The following PLCD4 variants were observed in gnomAD, a reference collection of about 807,000 sequenced individuals.
PLCD4 encodes the protein phospholipase C delta 4, also known as 1-phosphatidylinositol 4,5-bisphosphate phosphodiesterase delta-4.
A neutral mutation model predicts 90.2 loss-of-function variants in PLCD4; 63 were observed. That is an observed-to-expected ratio of 0.70 (90% CI 0.57 to 0.86). The LOEUF is 0.86. Ranked by LOEUF, PLCD4 falls within the 40% of genes least tolerant of loss-of-function variation. PLCD4 has a pLI of 0.00. For synonymous variants in PLCD4, 294 were observed against 356.5 expected (o/e 0.82, Z 1.97); for missense variants, 830 against 956.3 (o/e 0.87, Z 1.74).
chr2:218,630,433 C>CAAGATGTGAATATGTCTT (rs1349072632), intron 8 of PLCD4, among the ~76,000 whole-genome samples: 10 of 152,168 alleles, frequency 6.6e-5, no homozygotes, highest in Non-Finnish European at 1.2e-4. Flanking sequence ...TTTAGGATCC[C>CAAGATGTGAATATGTCTT]AAGATGTGAA....
At chr2:218,610,439 C>A (rs1027467965) in intron 1 of PLCD4, among the ~76,000 whole-genome samples, 5 of 151,800 alleles carry the variant, frequency 3.3e-5, no homozygotes, top group African/African-American at 1.2e-4. Context: ...ACCCAGGAGG[C>A]GGAGGTTGCA....
At chr2:218,610,008 A>G (rs1695259996) in intron 1 of PLCD4, 1 of 152,622 alleles carries the variant, frequency 6.6e-6, no homozygotes, top group Non-Finnish European at 1.5e-5. Context: ...GGGGCTGGGC[A>G]TGATGGCTCA....
chr2:218,630,639 C>G lies in PLCD4; in HGVS notation c.1120-11C>G. 1 of 1,613,992 alleles carries G rather than the reference C, an allele frequency of 6.2e-7. No individual in the cohort carries two copies. The highest frequency in any genetic ancestry group is 8.5e-7 in the Non-Finnish European group (1 of 1,179,880). ...AACTCTGAATCCATTGTTCCCTCCC[C>G]TCACCACCAGACATCAGACTACCCA... On this transcript the variant is annotated splice_polypyrimidine_tract_variant and intron_variant, in intron 8 of 15. Coordinates refer to ENST00000450993, the MANE Select transcript of PLCD4 (RefSeq NM_032726.4).
chr2:218,637,110 C>T lies in PLCD4; in HGVS notation c.*533C>T. ...CGACTCTTAAGAGAACACTGCACAG[C>T]ACTCAAAGTCCCCCACTGGACTGCT... is the stretch of plus-strand genomic sequence containing the variant. On this transcript the variant is annotated 3_prime_UTR_variant, in exon 16 of 16. Transcript: ENST00000450993. The T allele has an allele frequency of 5.9e-6, 2 of 338,102 alleles. No homozygotes were observed. The highest frequency in any genetic ancestry group is 1.2e-5 in the Non-Finnish European group (2 of 171,842). 20.9% of individuals were successfully genotyped at this position (338,102 alleles called of 1,614,324 possible).
chr2:218,620,450 G>A (rs1473135053), intron 4 of PLCD4, among the ~76,000 whole-genome samples: 8 of 151,950 alleles, frequency 5.3e-5, no homozygotes, highest in Non-Finnish European at 1.2e-4. Flanking sequence ...GCAGGGAGCC[G>A]AGATGGTGCC....
chr2:218,633,949 G>A (rs1475021307), intron 11 of PLCD4, 156 bp from the exon 12 acceptor site: 1 of 1,229,874 alleles, frequency 8.1e-7, no homozygotes, highest in Non-Finnish European at 1.1e-6. Context: ...GGGCAGGAAA[G>A]CTGGTCTGGA....
intron 4 of PLCD4, chr2:218,619,013 G>A: frequency 1.7e-6 from 1 of 582,962 alleles, no homozygotes; most frequent in Non-Finnish European, 3.0e-6. Context: ...TAGCCAGGCA[G>A]GAATCAGGAC....
chr2:218,614,410 C>CA (rs1318627956), intron 1 of PLCD4, among the ~76,000 whole-genome samples: 3 of 151,946 alleles, frequency 2.0e-5, no homozygotes, highest in Non-Finnish European at 4.4e-5. Context: ...CTCGGCCTCC[C>CA]AAAGTGCTGG....
intron 5 of PLCD4, 78 bp from the exon 6 acceptor site, chr2:218,622,567 TAA>T: frequency 9.7e-7 from 1 of 1,033,434 alleles, no homozygotes; most frequent in Non-Finnish European, 1.4e-6. Flanking sequence ...CAGAAAAATT[TAA>T]AAAAAAATTT....
At chr2:218,623,389 T>G (rs1438678126) in intron 6 of PLCD4, among the ~76,000 whole-genome samples, 2 of 152,222 alleles carry the variant, frequency 1.3e-5, no homozygotes, top group Admixed American at 1.3e-4. Flanking sequence ...AGTTAGCCCC[T>G]GGCTGGGGGA....
At position 218,634,376 on chromosome 2, in the gene PLCD4, A is replaced by T. The variant is rs1053811496; in HGVS notation, c.1724-82A>T. On this transcript the variant is annotated intron_variant, in intron 12 of 15. Transcript: ENST00000450993. The surrounding 1 kb of genome is among the most constrained non-coding windows in gnomAD (Gnocchi z 4.0). ...TACCAGCAGGTACCGTGCACCCAGTACCTATCTTCTTAACTCCCTGAAAGA... is the reference window on the plus strand; with the variant it reads ...TACCAGCAGGTACCGTGCACCCAGTTCCTATCTTCTTAACTCCCTGAAAGA... 3 of 1,574,160 alleles carry T rather than the reference A, an allele frequency of 1.9e-6. No individual in the cohort carries two copies. The African/African-American group carries it at 4.1e-5, about 21-fold the overall frequency.
At chr2:218,622,300 A>C in intron 5 of PLCD4, 1 of 164,054 alleles carries the variant, frequency 6.1e-6, no homozygotes, top group Non-Finnish European at 1.3e-5. Context: ...TCTAGTTGAA[A>C]ATTTTCTCTA....
chr2:218,634,004 C>G lies in PLCD4; in HGVS notation c.1607-101C>G. 1.4e-6 allele frequency: 2 copies of G among 1,469,658 alleles called. No homozygotes were observed. Among genetic ancestry groups the G allele is most frequent in the Non-Finnish European group, 1.8e-6 (2 of 1,088,006 alleles). 91.0% of individuals were successfully genotyped at this position (1,469,658 alleles called of 1,614,324 possible). A position where few individuals can be genotyped will look rare whatever the true frequency, so the allele number is the denominator to read the frequency against. Reference sequence around the variant, plus strand: ...CAGTGAAACTTTCTGGAGCCAGCTTCAGATGCTGGAGAGAAGGGTGAAGAG... The same window carrying G: ...CAGTGAAACTTTCTGGAGCCAGCTTGAGATGCTGGAGAGAAGGGTGAAGAG... On this transcript the variant is annotated intron_variant, in intron 11 of 15. Transcript: ENST00000450993. The surrounding 1 kb of genome is among the most constrained non-coding windows in gnomAD (Gnocchi z 4.0).
chr2:218,609,140 CAA>C (rs537369669), intron 1 of PLCD4: 51 of 84,068 alleles, frequency 6.1e-4, no homozygotes, highest in Admixed American at 8.4e-4. Context: ...GACTCTGTCT[CAA>C]AAAAAAAAAA....
At chr2:218,617,849 G>A (rs1695688015) in intron 3 of PLCD4, among the ~76,000 whole-genome samples, 1 of 152,146 alleles carries the variant, frequency 6.6e-6, no homozygotes, top group Non-Finnish European at 1.5e-5. Context: ...CACTTTGGGA[G>A]GCCTAGGCGG....
At chr2:218,624,320 A>G (rs1396966549) in intron 6 of PLCD4, among the ~76,000 whole-genome samples, 2 of 152,206 alleles carry the variant, frequency 1.3e-5, no homozygotes, top group African/African-American at 4.8e-5. Context: ...TAGGCACCAG[A>G]CATACATTAG....
At chr2:218,612,402 C>T (rs1321979875) in intron 1 of PLCD4, among the ~76,000 whole-genome samples, 3 of 152,214 alleles carry the variant, frequency 2.0e-5, no homozygotes, top group Admixed American at 2.0e-4. Flanking sequence ...ATCTTTTCTT[C>T]CTGAAATTGT....
chr2:218,634,650 T>C lies in PLCD4; in HGVS notation c.1896+20T>C. On this transcript the variant is annotated intron_variant, in intron 13 of 15. Transcript: ENST00000450993. This position sits in a 1 kb window ranked among gnomAD's most constrained non-coding sequence, Gnocchi z 4.0. ...ATCCAGGTACAGTGGAAATAAACTG[T>C]TGGGAAGAAACTGAGATAACTGGGA... is the stretch of plus-strand genomic sequence containing the variant. 6.2e-7 allele frequency: 1 copy of C among 1,610,034 alleles called. No individual in the cohort carries two copies.
chr2:218,633,870 G>A (rs1168850021), intron 11 of PLCD4, 109 bp downstream of exon 11: 1 of 1,387,442 alleles, frequency 7.2e-7, no homozygotes, highest in South Asian at 1.2e-5. Context: ...AAGGAGAGAT[G>A]AAGGAGTTCA....
Sources: allele counts gnomAD v4.1 joint callset (sites outside exome capture counted in the v4.1 genomes callset), GRCh38; gene constraint gnomAD v4.1.1; non-coding constraint Gnocchi (gnomAD v3.1); transcripts MANE v1.5; gene names NCBI Gene and HGNC (gene_info 2026-07-23, HGNC 2026-07-21).